Variants in UVRAG observed in about 807,000 individuals in gnomAD.
UVRAG encodes the protein UV radiation resistance associated.
Under a neutral mutation model 78.0 loss-of-function variants are expected in UVRAG, and 19 were observed. The ratio of observed to expected loss-of-function variants is 0.24; its 90% CI spans 0.17 to 0.36. The LOEUF (loss-of-function observed/expected upper bound fraction) is 0.36. Among genes scored for constraint, UVRAG ranks in the 10% least tolerant of loss-of-function variants. The pLI, the probability that UVRAG is intolerant of heterozygous loss-of-function variation, is 1.00. For missense variants in UVRAG, 740 were observed against 853.8 expected, an observed-to-expected ratio of 0.87 and a Z score of 1.66; for synonymous variants, 323 against 324.6, an observed-to-expected ratio of 1.00 and a Z score of 0.05.
chr11:76,047,759 AAAG>A (rs57458622), intron 12 of UVRAG, among the ~76,000 whole-genome samples: 66 of 152,294 alleles, frequency 4.3e-4, no homozygotes, highest in African/African-American at 1.5e-3. Flanking sequence ...TAATTTTTTC[AAAG>A]AAGTATAATT....
intron 13 of UVRAG, among the ~76,000 whole-genome samples, chr11:76,078,752 C>CAAAAAAAAAAAAAA (rs61700855): frequency 5.4e-5 from 2 of 37,200 alleles, no homozygotes; most frequent in African/African-American, 1.4e-4. Flanking sequence ...ACTAAAAATA[C>CAAAAAAAAAAAAAA]AAAAAAAAAA....
At chr11:75,974,751 A>C (rs551092119) in intron 7 of UVRAG, among the ~76,000 whole-genome samples, 3 of 151,884 alleles carry the variant, frequency 2.0e-5, no homozygotes, top group Non-Finnish European at 4.4e-5. Flanking sequence ...AAATTTGTTT[A>C]AGATCTTTGT....
chr11:75,946,836 C>T (rs1948597293), intron 6 of UVRAG, among the ~76,000 whole-genome samples: 2 of 152,158 alleles, frequency 1.3e-5, no homozygotes, highest in Non-Finnish European at 2.9e-5. Context: ...GCAGACCTAC[C>T]GTCTGTATTA....
intron 1 of UVRAG, among the ~76,000 whole-genome samples, chr11:75,836,959 A>G (rs1164011281): frequency 6.6e-6 from 1 of 152,136 alleles, no homozygotes; most frequent in Admixed American, 6.5e-5. Context: ...TCTAAAATAT[A>G]GTTCATCATC....
chr11:76,100,016 A>G (rs77784738), intron 13 of UVRAG, among the ~76,000 whole-genome samples: 1 of 152,078 alleles, frequency 6.6e-6, no homozygotes, highest in East Asian at 1.9e-4. Context: ...ACTTGTGACC[A>G]TTATACTTGA....
chr11:76,081,665 C>T (rs556224999), intron 13 of UVRAG, among the ~76,000 whole-genome samples: 13 of 151,684 alleles, frequency 8.6e-5, no homozygotes, highest in Admixed American at 2.6e-4. Context: ...AATAATAAAC[C>T]GGTTACTCTT....
rs1952766975 is a variant in UVRAG at position 76,144,069 on chromosome 11, T to C, written c.*2656T>C. 6.6e-6 allele frequency among the ~76,000 whole-genome samples: 1 copy of C among 152,242 alleles called. No homozygotes were observed. The highest frequency in any genetic ancestry group is 2.4e-5 in the African/African-American group (1 of 41,472). ...TTTTGGAAGATTGTGCCCAGCTATATATTTTTTAGCAGTTCTAATGGTGCC... is the reference window on the plus strand; with the variant it reads ...TTTTGGAAGATTGTGCCCAGCTATACATTTTTTAGCAGTTCTAATGGTGCC... On this transcript the variant is annotated 3_prime_UTR_variant, in exon 15 of 15. Transcript: ENST00000356136.
intron 6 of UVRAG, among the ~76,000 whole-genome samples, chr11:75,915,963 C>A (rs996258427): frequency 6.6e-6 from 1 of 152,156 alleles, no homozygotes; most frequent in African/African-American, 2.4e-5. Flanking sequence ...TGTGTCTAAT[C>A]ATATCTAATC....
At chr11:76,075,624 AAG>A (rs1386751905) in intron 13 of UVRAG, among the ~76,000 whole-genome samples, 1 of 152,080 alleles carries the variant, frequency 6.6e-6, no homozygotes, top group African/African-American at 2.4e-5. Context: ...AAAAAAAAAA[AAG>A]TATATAGTTC....
chr11:75,977,334 G>A (rs1949265351), intron 7 of UVRAG, among the ~76,000 whole-genome samples: 2 of 152,242 alleles, frequency 1.3e-5, no homozygotes, highest in South Asian at 2.1e-4. Context: ...GCTGAGAAGG[G>A]TGTATATTCT....
At chr11:76,058,081 T>C (rs892173926) in intron 12 of UVRAG, among the ~76,000 whole-genome samples, 1 of 152,158 alleles carries the variant, frequency 6.6e-6, no homozygotes, top group Non-Finnish European at 1.5e-5. Flanking sequence ...CCACCAGTTA[T>C]ACAGACTGGT....
At chr11:75,866,156 A>C (rs1946532707) in intron 3 of UVRAG, among the ~76,000 whole-genome samples, 1 of 151,864 alleles carries the variant, frequency 6.6e-6, no homozygotes, top group African/African-American at 2.4e-5. Flanking sequence ...TCAGAGGCGG[A>C]GGTTTCAGTC....
intron 3 of UVRAG, among the ~76,000 whole-genome samples, chr11:75,864,772 T>A (rs1478214162): frequency 6.6e-6 from 1 of 152,252 alleles, no homozygotes; most frequent in African/African-American, 2.4e-5. Flanking sequence ...ACTAAAGGAT[T>A]AGGCAAAGAT....
intron 6 of UVRAG, among the ~76,000 whole-genome samples, chr11:75,954,594 A>T (rs1035483698): frequency 1.3e-5 from 2 of 152,180 alleles, no homozygotes; most frequent in African/African-American, 4.8e-5. Context: ...TTAATCTCCC[A>T]CTGATGTCAA....
chr11:75,930,500 C>T (rs981538099), intron 6 of UVRAG, among the ~76,000 whole-genome samples: 6 of 152,076 alleles, frequency 3.9e-5, no homozygotes, highest in African/African-American at 1.4e-4. Flanking sequence ...GTATGATAAA[C>T]TAATATTATA....
At chr11:75,904,013 T>G (rs920039757) in intron 5 of UVRAG, among the ~76,000 whole-genome samples, 2 of 152,230 alleles carry the variant, frequency 1.3e-5, no homozygotes, top group Non-Finnish European at 2.9e-5. Flanking sequence ...ATAAGCAAAC[T>G]GTAGTCCAGC....
chr11:76,099,188 A>G (rs1177693882), intron 13 of UVRAG, among the ~76,000 whole-genome samples: 1 of 152,216 alleles, frequency 6.6e-6, no homozygotes, highest in African/African-American at 2.4e-5. Context: ...AAAAAAGTCT[A>G]TTAACTACCA....
chr11:76,044,937 A>G (rs2134338387), intron 12 of UVRAG, among the ~76,000 whole-genome samples: 1 of 152,290 alleles, frequency 6.6e-6, no homozygotes, highest in African/African-American at 2.4e-5. Flanking sequence ...ATGAAAATCT[A>G]AGAGCTCGCA....
chr11:76,130,166 C>G (rs992788939), intron 14 of UVRAG, among the ~76,000 whole-genome samples: 1 of 152,208 alleles, frequency 6.6e-6, no homozygotes, highest in East Asian at 1.9e-4. Context: ...CCAACCCATT[C>G]TTTACCTGGT....
Sources: allele counts gnomAD v4.1 joint callset (sites outside exome capture counted in the v4.1 genomes callset), GRCh38; gene constraint gnomAD v4.1.1; transcripts MANE v1.5; gene names NCBI Gene and HGNC (gene_info 2026-07-23, HGNC 2026-07-21).